The following ATXN2 variants were observed in gnomAD, a reference collection of about 807,000 sequenced individuals.
ATXN2 encodes ataxin-2.
Under a neutral mutation model 138.6 loss-of-function variants are expected in ATXN2, and 37 were observed. That is an observed-to-expected ratio of 0.27 (90% CI 0.21 to 0.35). The LOEUF (loss-of-function observed/expected upper bound fraction) is 0.35, where lower values mean the gene tolerates loss of function less well. ATXN2 is among the 10% of genes least tolerant of loss of function. The pLI is 1.00. For synonymous variants in ATXN2, 549 were observed against 543.7 expected (o/e 1.01, Z -0.13); for missense variants, 1,216 against 1,480.3 (o/e 0.82, Z 2.93).
chr12:111,585,615 G>C (rs932437608), intron 1 of ATXN2, among the ~76,000 whole-genome samples: 4 of 151,738 alleles, frequency 2.6e-5, no homozygotes, highest in Admixed American at 6.6e-5. Context: ...GACCAGCCTG[G>C]CCAAAATGGG....
At chr12:111,521,294 C>T (rs957491686) in intron 6 of ATXN2, among the ~76,000 whole-genome samples, 2 of 152,174 alleles carry the variant, frequency 1.3e-5, no homozygotes, top group Admixed American at 6.5e-5. Context: ...TTAGAGACAT[C>T]TACATTTACC....
chr12:111,528,639 GAA>G (rs1373639944), intron 5 of ATXN2, among the ~76,000 whole-genome samples: 1 of 152,178 alleles, frequency 6.6e-6, no homozygotes, highest in Non-Finnish European at 1.5e-5. Context: ...TGGGGAAGGG[GAA>G]AACACAGAAG....
At chr12:111,594,333 T>C (rs946373984) in intron 1 of ATXN2, among the ~76,000 whole-genome samples, 1 of 151,518 alleles carries the variant, frequency 6.6e-6, no homozygotes, top group Admixed American at 6.6e-5. Context: ...CTACATTAAA[T>C]CACAGCACAT....
chr12:111,470,840 A>C, intron 18 of ATXN2, 98 bp from the exon 19 acceptor site: 1 of 1,305,314 alleles, frequency 7.7e-7, no homozygotes, highest in Non-Finnish European at 1.1e-6. Flanking sequence ...TTGACCCTGA[A>C]TCTGCGTCTC....
chr12:111,452,909 A>G, intron 24 of ATXN2, 69 bp from the exon 25 acceptor site: 5 of 1,502,388 alleles, frequency 3.3e-6, no homozygotes, highest in Non-Finnish European at 4.5e-6. Context: ...GTGTCTCTGC[A>G]GCACATGATT....
intron 2 of ATXN2, among the ~76,000 whole-genome samples, chr12:111,555,615 G>A (rs539034113): frequency 3.8e-4 from 58 of 152,222 alleles, no homozygotes; most frequent in African/African-American, 1.3e-3. Flanking sequence ...CAGAGCATGA[G>A]TCAATTAAAC....
At chr12:111,588,662 G>A (rs965799146) in intron 1 of ATXN2, among the ~76,000 whole-genome samples, 4 of 151,542 alleles carry the variant, frequency 2.6e-5, no homozygotes, top group South Asian at 2.1e-4. Context: ...TAACAGCTGT[G>A]ACAAGTTTTC....
chr12:111,572,004 T>C (rs1228334099), intron 1 of ATXN2, among the ~76,000 whole-genome samples: 64 of 116,744 alleles, frequency 5.5e-4, no homozygotes, highest in African/African-American at 2.2e-3. Context: ...ACAGCAAGAC[T>C]CTGTCTCAAA....
Position 111,598,775 on chromosome 12 carries a change from G to T in ATXN2, c.251+9C>A, listed in dbSNP as rs779840317. On this transcript the variant is annotated intron_variant, in intron 1 of 24. Transcript: ENST00000673436. This position sits in a 1 kb window ranked among gnomAD's most constrained non-coding sequence, Gnocchi z 4.5. ...CCGGAGCGGAGGGGGCTGGGGTGCC[G>T]ACACCCACCTGCCCAGGCCGGGCCT... is the stretch of plus-strand genomic sequence containing the variant. 1.4e-3 allele frequency: 1,868 copies of T among 1,303,108 alleles called. 7 individuals are homozygous for T. The highest frequency in any genetic ancestry group is 7.0e-3 in the South Asian group (352 of 50,318). The allele number at this position is 1,303,108 out of a possible 1,614,324, so 80.7% of individuals were successfully genotyped here. A position where few individuals can be genotyped will look rare whatever the true frequency, so the allele number is the denominator to read the frequency against.
chr12:111,567,821 A>G (rs1328738879), intron 1 of ATXN2, among the ~76,000 whole-genome samples: 1 of 152,132 alleles, frequency 6.6e-6, no homozygotes, highest in East Asian at 1.9e-4. Context: ...AATAAAATAA[A>G]TGTACATTTT....
chr12:111,509,031 C>T (rs1410954780), intron 14 of ATXN2, among the ~76,000 whole-genome samples: 1 of 151,980 alleles, frequency 6.6e-6, no homozygotes. Flanking sequence ...CAAAATCTAC[C>T]TCGATACCTA....
intron 10 of ATXN2, among the ~76,000 whole-genome samples, chr12:111,515,893 T>C (rs1180095544): frequency 6.6e-6 from 1 of 152,204 alleles, no homozygotes; most frequent in Non-Finnish European, 1.5e-5. Flanking sequence ...CAGACCCTTC[T>C]GGGGCTGTAA....
upstream of ATXN2, chr12:111,599,325 G>A (rs1248246614): frequency 4.3e-6 from 5 of 1,172,392 alleles, no homozygotes; most frequent in Admixed American, 4.6e-5. Flanking sequence ...TGCCGGGAGG[G>A]AGGGGGGCCG....
intron 1 of ATXN2, among the ~76,000 whole-genome samples, chr12:111,577,703 G>T (rs370969744): frequency 2.6e-5 from 4 of 152,090 alleles, no homozygotes. Context: ...GGTCAAGGTG[G>T]GCAGATCACT....
Position 111,485,742 on chromosome 12 carries a change from ACAT to A in ATXN2, c.2425_2427del (p.Met809del). 3 of 1,614,142 alleles carry A rather than the reference ACAT, an allele frequency of 1.9e-6. No individual in the cohort carries two copies. The highest frequency in any genetic ancestry group is 1.7e-6 in the Non-Finnish European group (2 of 1,180,010). ...ACGCCTGGGCTCACTGGGACTGGATACATCATATTTGGTGCAAAACAAACAGGC... is the reference window on the plus strand; with the variant it reads ...ACGCCTGGGCTCACTGGGACTGGATACATATTTGGTGCAAAACAAACAGGC... On this transcript the variant is annotated inframe_deletion, in exon 17 of 25. Coordinates refer to ENST00000673436, the MANE Select transcript of ATXN2 (RefSeq NM_001372574.1).
chr12:111,530,317 G>A (rs1411394897), intron 5 of ATXN2, among the ~76,000 whole-genome samples: 1 of 152,178 alleles, frequency 6.6e-6, no homozygotes, highest in Non-Finnish European at 1.5e-5. Context: ...ACTAGTTACA[G>A]AAATGAAGCA....
rs149141810 is a variant in ATXN2, at chr12:111,505,196, G to A, written c.1935+4353C>T. ...TGCCCTCCAGCCTAAGCAAAAGAGC[G>A]AGATTCTGTGTCAAAAGAAAAAAAA... On this transcript the variant is annotated intron_variant, in intron 14 of 24. Coordinates refer to ENST00000673436, the MANE Select transcript of ATXN2 (RefSeq NM_001372574.1). Among the ~76,000 whole-genome samples, 8 of 152,172 alleles carry A rather than the reference G, an allele frequency of 5.3e-5. No individual in the cohort carries two copies. The South Asian group carries it at 8.3e-4, about 16-fold the overall frequency.
chr12:111,597,727 A>G (rs1221890124), intron 1 of ATXN2: 1 of 667,260 alleles, frequency 1.5e-6, no homozygotes, highest in South Asian at 1.5e-5. Context: ...TAGGAGGGAA[A>G]AAGACGCTAG....
At chr12:111,566,385 T>C (rs560047807) in intron 1 of ATXN2, among the ~76,000 whole-genome samples, 2 of 139,156 alleles carry the variant, frequency 1.4e-5, no homozygotes, top group Admixed American at 7.6e-5. Flanking sequence ...TGAGCCGAGA[T>C]AGCATGCCAC....
Sources: allele counts gnomAD v4.1 joint callset (sites outside exome capture counted in the v4.1 genomes callset), GRCh38; gene constraint gnomAD v4.1.1; non-coding constraint Gnocchi (gnomAD v3.1); transcripts MANE v1.5; gene names NCBI Gene and HGNC (gene_info 2026-07-23, HGNC 2026-07-21).